CACNA2D1: variants seen among roughly 807,000 people sequenced by gnomAD.
The protein encoded by CACNA2D1 is voltage-dependent calcium channel subunit alpha-2/delta-1.
Under a neutral mutation model 171.5 loss-of-function variants are expected in CACNA2D1, and 53 were observed. The ratio of observed to expected loss-of-function variants is 0.31; its 90% confidence interval spans 0.25 to 0.39. CACNA2D1 has a LOEUF of 0.39. CACNA2D1 is among the 10% of genes least tolerant of loss of function. CACNA2D1 has a pLI of 1.00. For synonymous variants in CACNA2D1, 442 were observed against 443.1 expected, an observed-to-expected ratio of 1.00 and a Z score of 0.03; for missense variants, 903 against 1,299.8, an observed-to-expected ratio of 0.69 and a Z score of 4.69.
At chr7:82,009,295 TA>T (rs1311540264) in intron 15 of CACNA2D1, 1 of 152,044 alleles carries the variant, frequency 6.6e-6, no homozygotes, top group Non-Finnish European at 1.5e-5. Flanking sequence ...CTTTATAAAG[TA>T]CTCAGTCTTG....
chr7:82,171,885 T>A (rs1478224490), intron 3 of CACNA2D1, among the ~76,000 whole-genome samples: 4 of 152,128 alleles, frequency 2.6e-5, no homozygotes, highest in Admixed American at 2.6e-4. Context: ...ATCTATGAAC[T>A]ATTCCTTAGC....
chr7:82,115,619 G>T (rs183654318), intron 6 of CACNA2D1, among the ~76,000 whole-genome samples: 1 of 151,086 alleles, frequency 6.6e-6, no homozygotes, highest in Non-Finnish European at 1.5e-5. Context: ...TGAAAACAGT[G>T]GTACTTTTAA....
intron 10 of CACNA2D1, among the ~76,000 whole-genome samples, chr7:82,056,983 C>G (rs1805981683): frequency 6.6e-6 from 1 of 152,102 alleles, no homozygotes; most frequent in Non-Finnish European, 1.5e-5. Flanking sequence ...GGCTGCCAGC[C>G]TGATAACATT....
At chr7:82,061,063 T>C (rs1350645448) in intron 9 of CACNA2D1, among the ~76,000 whole-genome samples, 1 of 152,200 alleles carries the variant, frequency 6.6e-6, no homozygotes, top group Non-Finnish European at 1.5e-5. Context: ...ACTTCACCTA[T>C]GTGCAGGGCT....
rs746128364 is a variant in CACNA2D1 at position 82,060,512 on chromosome 7, A to G, written c.795T>C (p.Ser265=). The change falls in exon 10 of 39, where the codon AGT becomes AGC. Residue 265 remains serine, a synonymous_variant. Coordinates refer to ENST00000356860, the MANE Select transcript of CACNA2D1 (RefSeq NM_000722.4). The part of the protein sequence containing the change: ...LILVDVSGSV[S]GLTLKLIRTS... ...TTCGGATCAGTTTAAGTGTCAATCC[A>G]CTAACACTTCCACTCCTAGAAATAG... 3 of 1,604,986 alleles carry G rather than the reference A, an allele frequency of 1.9e-6. No individual in the cohort carries two copies. Among genetic ancestry groups the G allele is most frequent in the Admixed American group, 1.7e-5 (1 of 59,748 alleles).
chr7:82,329,797 A>G (rs534534668), intron 3 of CACNA2D1, among the ~76,000 whole-genome samples: 1 of 152,276 alleles, frequency 6.6e-6, no homozygotes, highest in African/African-American at 2.4e-5. Context: ...TTTAGCAGAC[A>G]CATCTTGGAA....
intron 1 of CACNA2D1, among the ~76,000 whole-genome samples, chr7:82,441,881 A>G (rs1830531178): frequency 6.6e-6 from 1 of 152,192 alleles, no homozygotes; most frequent in Non-Finnish European, 1.5e-5. Flanking sequence ...AATTAAATGG[A>G]AGTGTGATGC....
Position 82,060,546 on chromosome 7 carries a change from G to C in CACNA2D1, c.780-19C>G. On this transcript the variant is annotated intron_variant, in intron 9 of 38. Transcript: ENST00000356860. The stretch of plus-strand genomic sequence containing the variant: ...TCCACTCCTAGAAATAGACAAATGG[G>C]TCCATACATGTTACTCATCATGTAT... 1 of 1,379,092 alleles carries C rather than the reference G, an allele frequency of 7.3e-7. No homozygotes were observed. The highest frequency in any genetic ancestry group is 1.2e-5 in the South Asian group (1 of 86,406). The allele number at this position is 1,379,092 out of a possible 1,614,324, so 85.4% of individuals were successfully genotyped here.
chr7:82,226,281 A>G (rs1012118800), intron 3 of CACNA2D1, among the ~76,000 whole-genome samples: 13 of 152,282 alleles, frequency 8.5e-5, no homozygotes, highest in African/African-American at 3.1e-4. Flanking sequence ...TATAGCCACC[A>G]TTTATTGAGG....
chr7:82,266,667 T>C (rs1036972839), intron 3 of CACNA2D1, among the ~76,000 whole-genome samples: 3 of 151,936 alleles, frequency 2.0e-5, no homozygotes, highest in Non-Finnish European at 4.4e-5. Context: ...CAGGTACCTA[T>C]CACCACGCCT....
chr7:81,996,733 T>C (rs1038201108), intron 19 of CACNA2D1, among the ~76,000 whole-genome samples: 1 of 151,692 alleles, frequency 6.6e-6, no homozygotes, highest in Non-Finnish European at 1.5e-5. Context: ...AAATATGCAA[T>C]TTTGCTTTTG....
chr7:82,070,875 T>A (rs1808238928), intron 7 of CACNA2D1, among the ~76,000 whole-genome samples: 1 of 152,144 alleles, frequency 6.6e-6, no homozygotes, highest in Non-Finnish European at 1.5e-5. Flanking sequence ...CATCAAATTT[T>A]CTGTACTCAG....
At chr7:82,099,053 A>T (rs1403505781) in intron 6 of CACNA2D1, among the ~76,000 whole-genome samples, 2 of 152,314 alleles carry the variant, frequency 1.3e-5, no homozygotes, top group Admixed American at 1.3e-4. Context: ...CATTCTTCCC[A>T]AAACGCATTT....
At chr7:82,226,204 T>C (rs1006538049) in intron 3 of CACNA2D1, among the ~76,000 whole-genome samples, 3 of 152,168 alleles carry the variant, frequency 2.0e-5, no homozygotes, top group Non-Finnish European at 4.4e-5. Flanking sequence ...TTGACTTTCA[T>C]TGATTCACAA....
intron 23 of CACNA2D1, 148 bp downstream of exon 23, chr7:81,983,166 A>AT (rs1328317783): frequency 1.5e-5 from 10 of 688,654 alleles, no homozygotes; most frequent in Non-Finnish European, 2.3e-5. Flanking sequence ...TCTTTCTACC[A>AT]TTTTTTTGCT....
chr7:82,181,569 G>A (rs1171980894), intron 3 of CACNA2D1, among the ~76,000 whole-genome samples: 1 of 152,312 alleles, frequency 6.6e-6, no homozygotes, highest in East Asian at 1.9e-4. Context: ...AATGTGCATT[G>A]AAGTTTGAGA....
intron 3 of CACNA2D1, among the ~76,000 whole-genome samples, chr7:82,273,916 A>G (rs1808973157): frequency 6.6e-6 from 1 of 152,304 alleles, no homozygotes; most frequent in African/African-American, 2.4e-5. Context: ...GCACTTACCC[A>G]TATTATCAGT....
At chr7:82,012,872 ATAG>A (rs1191182499) in intron 14 of CACNA2D1, among the ~76,000 whole-genome samples, 1 of 152,142 alleles carries the variant, frequency 6.6e-6, no homozygotes, top group Non-Finnish European at 1.5e-5. Flanking sequence ...AGCAATTTTC[ATAG>A]TAATTTATGA....
chr7:82,362,924 C>G (rs1261529919), intron 1 of CACNA2D1, among the ~76,000 whole-genome samples: 3 of 152,088 alleles, frequency 2.0e-5, no homozygotes, highest in Admixed American at 2.0e-4. Flanking sequence ...ATTCATTACC[C>G]TACTAAAAAC....
Sources: gnomAD v4.1 joint callset for allele counts (sites outside exome capture counted in the v4.1 genomes callset) on GRCh38, gnomAD v4.1.1 for gene constraint, MANE v1.5 for transcripts, NCBI Gene and HGNC (gene_info 2026-07-23, HGNC 2026-07-21) for gene names.